The following LIFR variants were observed in gnomAD, a reference collection of about 807,000 sequenced individuals.
LIFR encodes leukemia inhibitory factor receptor.
In LIFR, 84 loss-of-function variants were observed where a neutral mutation model predicts 122.2. The ratio of observed to expected loss-of-function variants is 0.69; its 90% CI spans 0.58 to 0.82. The LOEUF (loss-of-function observed/expected upper bound fraction) is 0.82. Among genes scored for constraint, LIFR ranks in the 40% least tolerant of loss-of-function variants. The pLI, the probability that LIFR is intolerant of heterozygous loss-of-function variation, is 0.00. For synonymous variants in LIFR, 422 were observed against 434.7 expected (o/e 0.97, Z 0.36); for missense variants, 1,294 against 1,311.6 (o/e 0.99, Z 0.21).
chr5:38,490,120 A>G, intron 15 of LIFR, 70 bp downstream of exon 15: 4 of 610,972 alleles, frequency 6.5e-6, no homozygotes, highest in East Asian at 2.9e-5. Flanking sequence ...ATTCAATCAT[A>G]CCATTGTTGC....
At chr5:38,603,440 A>G (rs1249797960) in intron 2 of LIFR, among the ~76,000 whole-genome samples, 2 of 152,232 alleles carry the variant, frequency 1.3e-5, no homozygotes, top group Non-Finnish European at 2.9e-5. Context: ...GAAAAACTGC[A>G]TATTCACATT....
At chr5:38,584,434 G>C (rs1424427126) in intron 1 of LIFR, among the ~76,000 whole-genome samples, 2 of 151,954 alleles carry the variant, frequency 1.3e-5, no homozygotes, top group African/African-American at 4.8e-5. Context: ...CCAAGACATG[G>C]AAACAACCTA....
intron 5 of LIFR, among the ~76,000 whole-genome samples, chr5:38,519,525 C>T (rs1746288967): frequency 6.6e-6 from 1 of 152,082 alleles, no homozygotes; most frequent in African/African-American, 2.4e-5. Context: ...CTACAGTCAC[C>T]CTACTTGACT....
At chr5:38,567,053 C>T (rs940948241) in intron 1 of LIFR, among the ~76,000 whole-genome samples, 2 of 152,316 alleles carry the variant, frequency 1.3e-5, no homozygotes, top group Middle Eastern at 3.4e-3. Context: ...GTGAATCAGA[C>T]CATTTATCCC....
intron 1 of LIFR, among the ~76,000 whole-genome samples, chr5:38,536,022 T>C (rs1032086275): frequency 2.6e-5 from 4 of 152,226 alleles, no homozygotes; most frequent in African/African-American, 7.2e-5. Flanking sequence ...TATTTGCTCA[T>C]GCTACATTTT....
intron 1 of LIFR, among the ~76,000 whole-genome samples, chr5:38,568,687 C>T (rs567903132): frequency 1.3e-5 from 2 of 152,138 alleles, no homozygotes; most frequent in African/African-American, 2.4e-5. Flanking sequence ...ACTTTTTCTT[C>T]TCCTTCATTT....
intron 6 of LIFR, 110 bp downstream of exon 6, chr5:38,511,680 C>G (rs1447459389): frequency 9.4e-7 from 1 of 1,058,216 alleles, no homozygotes; most frequent in Non-Finnish European, 1.4e-6. Flanking sequence ...CCAGGTAATC[C>G]TCATGCAGCT....
chr5:38,491,490 T>TA, intron 14 of LIFR, among the ~76,000 whole-genome samples: 1 of 152,274 alleles, frequency 6.6e-6, no homozygotes, highest in East Asian at 1.9e-4. Context: ...GAAGGGCAAT[T>TA]AGATGCTCAT....
intron 1 of LIFR, among the ~76,000 whole-genome samples, chr5:38,591,134 T>C (rs1258291053): frequency 6.6e-6 from 1 of 152,212 alleles, no homozygotes; most frequent in Non-Finnish European, 1.5e-5. Context: ...CTATCCCTAT[T>C]TTGTACATTG....
chr5:38,590,667 C>T (rs1561230348), intron 1 of LIFR, among the ~76,000 whole-genome samples: 1 of 152,204 alleles, frequency 6.6e-6, no homozygotes, highest in Non-Finnish European at 1.5e-5. Context: ...TGAGTCCTCA[C>T]TATGTACCAG....
chr5:38,521,882 G>A (rs1467582383), intron 5 of LIFR, among the ~76,000 whole-genome samples: 1 of 152,130 alleles, frequency 6.6e-6, no homozygotes, highest in Non-Finnish European at 1.5e-5. Flanking sequence ...TGCTGATGGT[G>A]GTAGACTAGG....
intron 1 of LIFR, among the ~76,000 whole-genome samples, chr5:38,549,774 C>G (rs1315188847): frequency 1.3e-5 from 2 of 152,168 alleles, no homozygotes; most frequent in Non-Finnish European, 2.9e-5. Context: ...CAGGGCAACA[C>G]AGCGAGACTC....
chr5:38,526,163 A>G (rs1162812577), intron 4 of LIFR, among the ~76,000 whole-genome samples: 1 of 152,212 alleles, frequency 6.6e-6, no homozygotes, highest in Non-Finnish European at 1.5e-5. Context: ...CTTGCTTTCT[A>G]GAAACTCAGA....
At chr5:38,542,908 A>AATATTATATAG (rs143768955) in intron 1 of LIFR, among the ~76,000 whole-genome samples, 5,669 of 152,126 alleles carry the variant, frequency 0.037, 362 homozygotes, top group African/African-American at 0.13. Flanking sequence ...TACTACATAT[A>AATATTATATAG]ATATTATATA....
rs186746943 is a variant in LIFR at position 38,583,338 on chromosome 5, A to G, written c.-20+11923T>C. Among the ~76,000 whole-genome samples the G allele has an allele frequency of 2.4e-3, 363 of 152,334 alleles. 3 individuals carry two copies. Among genetic ancestry groups the G allele is most frequent in the Non-Finnish European group, 1.9e-3 (132 of 68,026 alleles). ...GTAATGTAGATTTTCACTTTCATAT[A>G]TAAGCACCATGCAAGGCTTTTTGGA... On this transcript the variant is annotated intron_variant, in intron 1 of 19. Transcript: ENST00000263409.
intron 1 of LIFR, among the ~76,000 whole-genome samples, chr5:38,567,564 CTG>C (rs1354903567): frequency 6.9e-6 from 1 of 145,576 alleles, no homozygotes; most frequent in Non-Finnish European, 1.5e-5. Context: ...GAGTCTCACT[CTG>C]TTGCCCAGGC....
chr5:38,522,793 T>C (rs2112542322), intron 5 of LIFR, among the ~76,000 whole-genome samples: 1 of 152,338 alleles, frequency 6.6e-6, no homozygotes, highest in East Asian at 1.9e-4. Context: ...ACAAATAAAC[T>C]GTAAAATCAT....
At chr5:38,547,578 CAT>C (rs147196187) in intron 1 of LIFR, among the ~76,000 whole-genome samples, 1,991 of 152,124 alleles carry the variant, frequency 0.013, 42 homozygotes, top group African/African-American at 0.045. Flanking sequence ...TGAGGGTCTA[CAT>C]GTTATCAAAA....
chr5:38,539,070 C>G (rs1238283284), intron 1 of LIFR, among the ~76,000 whole-genome samples: 1 of 152,154 alleles, frequency 6.6e-6, no homozygotes, highest in Non-Finnish European at 1.5e-5. Context: ...ACGCCATTCT[C>G]CTGCCTCAGC....
Sources: gnomAD v4.1 joint callset for allele counts (sites outside exome capture counted in the v4.1 genomes callset) on GRCh38, gnomAD v4.1.1 for gene constraint, MANE v1.5 for transcripts, NCBI Gene and HGNC (gene_info 2026-07-23, HGNC 2026-07-21) for gene names.